The following SPOCK3 variants were observed in gnomAD, a reference collection of about 807,000 sequenced individuals.
SPOCK3 encodes testican-3.
Under a neutral mutation model 56.6 loss-of-function variants are expected in SPOCK3, and 30 were observed. The observed-to-expected ratio is 0.53, with a 90% confidence interval of 0.40 to 0.72. The LOEUF (loss-of-function observed/expected upper bound fraction) is 0.72, where lower values mean the gene tolerates loss of function less well. SPOCK3 is among the 30% of genes least tolerant of loss of function. SPOCK3 has a pLI of 0.00. For missense variants in SPOCK3, 527 were observed against 530.0 expected (o/e 0.99, Z 0.06); for synonymous variants, 196 against 183.3 (o/e 1.07, Z -0.56).
intron 3 of SPOCK3, among the ~76,000 whole-genome samples, chr4:167,004,006 T>C (rs1323684048): frequency 6.6e-6 from 1 of 152,218 alleles, no homozygotes; most frequent in Non-Finnish European, 1.5e-5. Flanking sequence ...CCTTGCTGCC[T>C]CAGGCATTCC....
In SPOCK3 at chr4:166,764,982, T is replaced by C. The variant is rs969275711; in HGVS notation, c.710-10253A>G. 3.9e-5 allele frequency among the ~76,000 whole-genome samples: 6 copies of C among 152,330 alleles called. No homozygotes were observed. In the Middle Eastern group the frequency reaches 0.014, roughly 345 times the overall value. On this transcript the variant is annotated intron_variant, in intron 7 of 10. Coordinates refer to ENST00000357545, the MANE Select transcript of SPOCK3 (RefSeq NM_001040159.2). ...TTCATGTGTCTGTTGGCTGCATAAA[T>C]GTCTTCTTTTGAGAAGTGTCTGTTC... is the stretch of plus-strand genomic sequence containing the variant.
chr4:167,022,740 G>A (rs1379380205), intron 3 of SPOCK3, among the ~76,000 whole-genome samples: 1 of 151,990 alleles, frequency 6.6e-6, no homozygotes, highest in Admixed American at 6.6e-5. Context: ...GTATGTGGGA[G>A]GCAACATGAC....
intron 4 of SPOCK3, among the ~76,000 whole-genome samples, chr4:166,946,317 G>T (rs1182709445): frequency 6.6e-6 from 1 of 152,012 alleles, no homozygotes; most frequent in Non-Finnish European, 1.5e-5. Flanking sequence ...AAAGCCAACG[G>T]CCTTACAAAA....
intron 2 of SPOCK3, among the ~76,000 whole-genome samples, chr4:167,114,175 A>G (rs930875005): frequency 3.9e-5 from 6 of 152,140 alleles, no homozygotes; most frequent in African/African-American, 1.4e-4. Flanking sequence ...TCGACAAACA[A>G]ACAATGAGAA....
intron 2 of SPOCK3, among the ~76,000 whole-genome samples, chr4:167,172,847 G>A (rs1223787090): frequency 6.6e-6 from 1 of 152,024 alleles, no homozygotes; most frequent in African/African-American, 2.4e-5. Context: ...AGGTTTCAGG[G>A]AATTTGGAAG....
intron 3 of SPOCK3, among the ~76,000 whole-genome samples, chr4:167,043,647 A>T (rs1753433931): frequency 6.6e-6 from 1 of 151,942 alleles, no homozygotes; most frequent in African/African-American, 2.4e-5. Flanking sequence ...TATCATGAAT[A>T]GGTGTTGAAT....
chr4:167,222,757 ATT>A (rs1357709118), intron 2 of SPOCK3, among the ~76,000 whole-genome samples: 2 of 129,544 alleles, frequency 1.5e-5, no homozygotes, highest in African/African-American at 3.0e-5. Context: ...ATAGATATAT[ATT>A]GATATATGAA....
At chr4:167,139,132 T>C (rs1282421994) in intron 2 of SPOCK3, among the ~76,000 whole-genome samples, 1 of 151,980 alleles carries the variant, frequency 6.6e-6, no homozygotes, top group Non-Finnish European at 1.5e-5. Context: ...TCTACAACCA[T>C]GTTTCATCTG....
intron 2 of SPOCK3, among the ~76,000 whole-genome samples, chr4:167,089,672 T>C (rs1863784): frequency 1 from 152,144 of 152,228 alleles, 76,030 homozygotes; most frequent in Non-Finnish European, 1. Context: ...GTCATATTTC[T>C]CCCTTTAGAT....
chr4:167,209,308 A>G (rs922844670), intron 2 of SPOCK3, among the ~76,000 whole-genome samples: 3 of 152,100 alleles, frequency 2.0e-5, no homozygotes, highest in South Asian at 2.1e-4. Flanking sequence ...ATTGAAGCAA[A>G]TATGTTTTTT....
chr4:167,117,407 A>G (rs1761517544), intron 2 of SPOCK3, among the ~76,000 whole-genome samples: 4 of 152,102 alleles, frequency 2.6e-5, no homozygotes, highest in Admixed American at 2.6e-4. Flanking sequence ...AGGAAGCCTG[A>G]GTCCCGGGCA....
At chr4:167,051,690 C>T (rs1167849569) in intron 3 of SPOCK3, among the ~76,000 whole-genome samples, 1 of 152,190 alleles carries the variant, frequency 6.6e-6, no homozygotes, top group South Asian at 2.1e-4. Context: ...CACAAGCCGA[C>T]CCTGACTTTG....
At position 166,904,118 on chromosome 4, in the gene SPOCK3, CTATATTTT is replaced by C. The variant is rs1736359276; in HGVS notation, c.474+8494_474+8501del. On this transcript the variant is annotated intron_variant, in intron 5 of 10. Transcript: ENST00000357545. ...TATTATATTATTACTTTTATATAATCTATATTTTTATTCATAGCCATATTATTAGTCCT... is the reference window on the plus strand; with the variant it reads ...TATTATATTATTACTTTTATATAATCTATTCATAGCCATATTATTAGTCCT... Among the ~76,000 whole-genome samples the C allele has an allele frequency of 2.6e-5, 4 of 151,544 alleles. No homozygotes were observed. In the South Asian group the frequency reaches 8.3e-4, roughly 31 times the overall value.
intron 2 of SPOCK3, among the ~76,000 whole-genome samples, chr4:167,104,045 G>A (rs1759878662): frequency 6.6e-6 from 1 of 152,138 alleles, no homozygotes; most frequent in Non-Finnish European, 1.5e-5. Context: ...GGTGGACCCT[G>A]ATGCAGATAT....
chr4:167,050,658 T>C (rs879520855), intron 3 of SPOCK3, among the ~76,000 whole-genome samples: 1 of 152,150 alleles, frequency 6.6e-6, no homozygotes, highest in African/African-American at 2.4e-5. Context: ...TGTCTATGGA[T>C]AGATGAACAG....
intron 2 of SPOCK3, among the ~76,000 whole-genome samples, chr4:167,211,459 G>A (rs1382842080): frequency 6.6e-6 from 1 of 152,152 alleles, no homozygotes; most frequent in Non-Finnish European, 1.5e-5. Flanking sequence ...GGAATGACAT[G>A]GTTTGGCTGT....
At chr4:166,838,381 C>T (rs1232184062) in intron 6 of SPOCK3, among the ~76,000 whole-genome samples, 1 of 152,034 alleles carries the variant, frequency 6.6e-6, no homozygotes, top group Non-Finnish European at 1.5e-5. Context: ...GGTTTATTTA[C>T]TCTGTGTTGC....
chr4:166,770,876 A>T (rs1387310105), intron 7 of SPOCK3, among the ~76,000 whole-genome samples: 1 of 151,946 alleles, frequency 6.6e-6, no homozygotes, highest in Non-Finnish European at 1.5e-5. Flanking sequence ...GACAAATTAG[A>T]CACCAGAAAT....
intron 4 of SPOCK3, among the ~76,000 whole-genome samples, chr4:166,936,794 A>T (rs1394648061): frequency 6.6e-6 from 1 of 152,106 alleles, no homozygotes; most frequent in Non-Finnish European, 1.5e-5. Context: ...TAAATACTTA[A>T]AATGATAATT....
Sources: allele counts gnomAD v4.1 joint callset (sites outside exome capture counted in the v4.1 genomes callset), GRCh38; gene constraint gnomAD v4.1.1; transcripts MANE v1.5; gene names NCBI Gene and HGNC (gene_info 2026-07-23, HGNC 2026-07-21).